Variants in PRKG1 observed in about 807,000 individuals in gnomAD.
PRKG1 encodes protein kinase cGMP-dependent 1, also known as cGMP-dependent protein kinase 1.
In PRKG1, 35 loss-of-function variants were observed where a neutral mutation model predicts 88.1. The ratio of observed to expected loss-of-function variants is 0.40; its 90% CI spans 0.30 to 0.53. The LOEUF is 0.53. Among genes scored for constraint, PRKG1 ranks in the 20% least tolerant of loss-of-function variants. The probability of loss-of-function intolerance (pLI) is 0.59; values close to 1 mark genes in which losing one functional copy is unlikely to be tolerated. For missense variants in PRKG1, 540 were observed against 839.8 expected (o/e 0.64, Z 4.41); for synonymous variants, 303 against 292.5 (o/e 1.04, Z -0.37).
intron 2 of PRKG1, among the ~76,000 whole-genome samples, chr10:51,306,943 A>G (rs1031134934): frequency 6.6e-6 from 1 of 152,214 alleles, no homozygotes; most frequent in Admixed American, 6.5e-5. Context: ...CTCCCACTCA[A>G]GGGTTCTTTT....
At chr10:51,251,627 A>T (rs7094420) in intron 2 of PRKG1, among the ~76,000 whole-genome samples, 1 of 151,788 alleles carries the variant, frequency 6.6e-6, no homozygotes, top group Non-Finnish European at 1.5e-5. Context: ...ATTTTCTACT[A>T]TATAATCTAA....
chr10:52,240,673 C>T (rs771211661), intron 9 of PRKG1, among the ~76,000 whole-genome samples: 1 of 152,034 alleles, frequency 6.6e-6, no homozygotes, highest in Non-Finnish European at 1.5e-5. Context: ...ATTAACGCAC[C>T]GATCACTATT....
At chr10:51,786,646 A>T (rs967155889) in intron 3 of PRKG1, among the ~76,000 whole-genome samples, 4 of 152,122 alleles carry the variant, frequency 2.6e-5, no homozygotes, top group African/African-American at 9.7e-5. Flanking sequence ...TCTCTCTTCT[A>T]CTAAACCATT....
intron 3 of PRKG1, among the ~76,000 whole-genome samples, chr10:51,751,357 C>A (rs190272327): frequency 8.7e-4 from 133 of 152,206 alleles, no homozygotes; most frequent in African/African-American, 3.1e-3. Flanking sequence ...CATGCCTCAG[C>A]CTCTTGAGTT....
In PRKG1 at chr10:51,373,721, A is replaced by G. The variant is rs75990809; in HGVS notation, c.479-94002A>G. Among the ~76,000 whole-genome samples the G allele has an allele frequency of 4.6e-3, 694 of 152,336 alleles. 6 individuals carry two copies. The highest frequency in any genetic ancestry group is 0.025 in the East Asian group (128 of 5,184). On this transcript the variant is annotated intron_variant, in intron 2 of 17. Coordinates refer to ENST00000373980, the MANE Select transcript of PRKG1 (RefSeq NM_006258.4). ...CACAGAATACTATGCAGCCATAAAA[A>G]GAAACAAGATCATGTCCTTTGCAGG...
intron 3 of PRKG1, among the ~76,000 whole-genome samples, chr10:51,615,366 G>A (rs897316352): frequency 6.6e-6 from 1 of 152,002 alleles, no homozygotes; most frequent in African/African-American, 2.4e-5. Context: ...TCTATCTGAT[G>A]TCTAAATCTC....
At chr10:51,544,197 TC>T (rs1842387303) in intron 3 of PRKG1, among the ~76,000 whole-genome samples, 1 of 32,632 alleles carries the variant, frequency 3.1e-5, no homozygotes, top group African/African-American at 8.2e-5. Flanking sequence ...ATGCTATCCC[TC>T]CCCCCTCCCC....
upstream of PRKG1, chr10:51,074,426 C>A (rs770276598): frequency 1.4e-5 from 20 of 1,444,838 alleles, no homozygotes; most frequent in Middle Eastern, 2.6e-4. Context: ...TGGCTGGAGC[C>A]GGCGGACTGG....
intron 7 of PRKG1, among the ~76,000 whole-genome samples, chr10:52,074,872 G>A (rs555685555): frequency 4.6e-5 from 7 of 152,156 alleles, no homozygotes; most frequent in South Asian, 4.2e-4. Context: ...AGACTGTATC[G>A]CATAAAAGGA....
intron 5 of PRKG1, among the ~76,000 whole-genome samples, chr10:51,935,713 C>T (rs569041281): frequency 1.3e-5 from 2 of 152,138 alleles, no homozygotes; most frequent in African/African-American, 4.8e-5. Context: ...AAACAATCAC[C>T]TTATCTTTTG....
At chr10:51,019,845 A>G (rs1461862746) in intron 1 of PRKG1, among the ~76,000 whole-genome samples, 3 of 152,146 alleles carry the variant, frequency 2.0e-5, no homozygotes, top group African/African-American at 7.2e-5. Flanking sequence ...AAGGAAATGA[A>G]TAGAAATTTT....
intron 3 of PRKG1, among the ~76,000 whole-genome samples, chr10:51,538,394 C>T (rs1842214329): frequency 6.9e-6 from 1 of 144,238 alleles, no homozygotes; most frequent in Non-Finnish European, 1.5e-5. Flanking sequence ...TTATACATAT[C>T]ATATATATAC....
chr10:51,558,968 G>A (rs753205708), intron 3 of PRKG1, among the ~76,000 whole-genome samples: 1 of 152,066 alleles, frequency 6.6e-6, no homozygotes, highest in Non-Finnish European at 1.5e-5. Flanking sequence ...TATCAACAGT[G>A]CAGTAAGATA....
chr10:51,711,014 TAAAGACGTG>T (rs1466425817), intron 3 of PRKG1, among the ~76,000 whole-genome samples: 3 of 151,490 alleles, frequency 2.0e-5, no homozygotes. Flanking sequence ...TTTTCTTTTT[TAAAGACGTG>T]AAAGACTTAC....
At chr10:51,702,550 A>G (rs2132417092) in intron 3 of PRKG1, among the ~76,000 whole-genome samples, 1 of 152,322 alleles carries the variant, frequency 6.6e-6, no homozygotes, top group Middle Eastern at 3.4e-3. Context: ...TGTACATGGT[A>G]TAGTGTATGT....
chr10:51,109,633 A>T (rs1006624876), intron 1 of PRKG1, among the ~76,000 whole-genome samples: 2 of 152,178 alleles, frequency 1.3e-5, no homozygotes, highest in African/African-American at 4.8e-5. Flanking sequence ...GTAGTTTTAT[A>T]TGTAAACCTT....
chr10:51,146,017 A>G (rs1312808488), intron 1 of PRKG1, among the ~76,000 whole-genome samples: 1 of 151,556 alleles, frequency 6.6e-6, no homozygotes, highest in African/African-American at 2.4e-5. Flanking sequence ...AAATACGAAA[A>G]AACAAACAAA....
chr10:51,404,040 T>C (rs940587904), intron 2 of PRKG1, among the ~76,000 whole-genome samples: 1 of 152,192 alleles, frequency 6.6e-6, no homozygotes, highest in Admixed American at 6.5e-5. Flanking sequence ...TTCAGTGTTC[T>C]AGAAATAGTT....
chr10:51,060,481 TTACTC>T (rs1396951729), intron 1 of PRKG1, among the ~76,000 whole-genome samples: 5 of 152,134 alleles, frequency 3.3e-5, no homozygotes, highest in African/African-American at 2.4e-5. Flanking sequence ...CTTTAAGTGG[TTACTC>T]TAGAGAGTAC....
Sources: allele counts gnomAD v4.1 joint callset (sites outside exome capture counted in the v4.1 genomes callset), GRCh38; gene constraint gnomAD v4.1.1; transcripts MANE v1.5; gene names NCBI Gene and HGNC (gene_info 2026-07-23, HGNC 2026-07-21).